The following ESR2 variants were observed in gnomAD, a reference collection of about 807,000 sequenced individuals.
ESR2 encodes the protein estrogen receptor beta.
In ESR2, 36 loss-of-function variants were observed where a neutral mutation model predicts 49.6. The ratio of observed to expected loss-of-function variants is 0.73; its 90% CI spans 0.56 to 0.96. ESR2 has a LOEUF of 0.96. Ranked by LOEUF, ESR2 falls within the 40% of genes least tolerant of loss-of-function variation. The probability of loss-of-function intolerance (pLI) is 0.00; values close to 1 mark genes in which losing one functional copy is unlikely to be tolerated. For synonymous variants in ESR2, 320 were observed against 266.1 expected, an observed-to-expected ratio of 1.20 and a Z score of -1.97; for missense variants, 714 against 693.0, an observed-to-expected ratio of 1.03 and a Z score of -0.34.
At chr14:64,320,300 A>T (rs1248822396) in intron 1 of ESR2, among the ~76,000 whole-genome samples, 2 of 152,128 alleles carry the variant, frequency 1.3e-5, no homozygotes. Flanking sequence ...GCATGGTGGC[A>T]TACACCTGTA....
chr14:64,267,451 A>T (rs1339133324), intron 4 of ESR2, among the ~76,000 whole-genome samples: 1 of 152,204 alleles, frequency 6.6e-6, no homozygotes, highest in East Asian at 1.9e-4. Context: ...GACTCTAGGA[A>T]GCCAGAGAAG....
chr14:64,312,066 T>C (rs1242265190), intron 1 of ESR2, among the ~76,000 whole-genome samples: 2 of 152,140 alleles, frequency 1.3e-5, no homozygotes, highest in African/African-American at 4.8e-5. Flanking sequence ...AAGATAATTA[T>C]ATAAACAGGG....
At chr14:64,247,717 T>C (rs528233179) in intron 7 of ESR2, among the ~76,000 whole-genome samples, 8 of 152,320 alleles carry the variant, frequency 5.3e-5, no homozygotes, top group African/African-American at 1.9e-4. Context: ...CAATATCTGC[T>C]AGAGCGGCTG....
At chr14:64,312,941 C>T (rs2077201967) in intron 1 of ESR2, among the ~76,000 whole-genome samples, 5 of 151,854 alleles carry the variant, frequency 3.3e-5, no homozygotes, top group Admixed American at 3.3e-4. Context: ...ATAAATACCC[C>T]AGTTAAAAGA....
intron 6 of ESR2, among the ~76,000 whole-genome samples, chr14:64,255,734 G>A (rs1015188599): frequency 1.3e-5 from 2 of 152,220 alleles, no homozygotes; most frequent in African/African-American, 2.4e-5. Flanking sequence ...ATAAGGTGCT[G>A]CCAAGCACAT....
At chr14:64,254,995 T>G (rs1460993428) in intron 6 of ESR2, among the ~76,000 whole-genome samples, 1 of 152,042 alleles carries the variant, frequency 6.6e-6, no homozygotes, top group Non-Finnish European at 1.5e-5. Flanking sequence ...AAAAATAACT[T>G]TTCTTCTATT....
At chr14:64,308,268 C>A (rs926349230) in intron 1 of ESR2, among the ~76,000 whole-genome samples, 1 of 152,126 alleles carries the variant, frequency 6.6e-6, no homozygotes, top group Non-Finnish European at 1.5e-5. Context: ...CCTGCCTCGG[C>A]CTCCCAAAGT....
At chr14:64,227,770 T>A, downstream of ESR2, 1 of 1,538,886 alleles carries the variant, frequency 6.5e-7, no homozygotes, top group Non-Finnish European at 8.7e-7. Context: ...CCACTGCAGC[T>A]TCTTTCACTC....
intron 1 of ESR2, among the ~76,000 whole-genome samples, chr14:64,318,769 G>A (rs1444831061): frequency 2.0e-5 from 3 of 151,756 alleles, no homozygotes; most frequent in East Asian, 1.9e-4. Context: ...CTAGCCAGGT[G>A]TTGTGGTTCA....
Position 64,233,315 on chromosome 14 carries a change from C to T in ESR2, c.1415G>A (p.Gly472Asp). 1 of 1,610,986 alleles carries T rather than the reference C, an allele frequency of 6.2e-7. No individual in the cohort carries two copies. Among genetic ancestry groups the T allele is most frequent in the East Asian group, 2.2e-5 (1 of 44,790 alleles). Residue 472 changes from glycine (G) to aspartate (D), a missense_variant, in exon 9 of 9, where the codon GGC becomes GAC. Coordinates refer to ENST00000341099, the MANE Select transcript of ESR2 (RefSeq NM_001437.3). ...LSHVRHASNK[G>D]MEHLLNMKCK... ...CTTCATGTTGAGCAGATGTTCCATG[C>T]CCTTGTTACTATGGGGACAAAAAGG...
chr14:64,289,828 ACTAGGAGGATAAGT>A (rs1011978935), intron 1 of ESR2, among the ~76,000 whole-genome samples: 3 of 152,246 alleles, frequency 2.0e-5, no homozygotes, highest in African/African-American at 7.2e-5. Flanking sequence ...AAGCTTGCAG[ACTAGGAGGATAAGT>A]CTAGGAGGAT....
chr14:64,258,034 T>C (rs1253945162), intron 5 of ESR2, among the ~76,000 whole-genome samples: 3 of 151,966 alleles, frequency 2.0e-5, no homozygotes, highest in South Asian at 4.2e-4. Flanking sequence ...CTGGCCAACA[T>C]GGAGAAACCC....
chr14:64,269,459 C>T (rs1244906542), intron 3 of ESR2, among the ~76,000 whole-genome samples: 1 of 152,228 alleles, frequency 6.6e-6, no homozygotes, highest in Non-Finnish European at 1.5e-5. Context: ...TCTCCCTCAG[C>T]CTTGCGACCC....
chr14:64,246,734 C>CAAAAAAAAAAAAAAAAAAA lies in ESR2; in HGVS notation c.1225+2793_1225+2811dup, dbSNP rs71123836. Among the ~76,000 whole-genome samples, 34 of 36,452 alleles carry CAAAAAAAAAAAAAAAAAAA rather than the reference C, an allele frequency of 9.3e-4. 3 individuals are homozygous for CAAAAAAAAAAAAAAAAAAA. The highest frequency in any genetic ancestry group is 2.9e-3 in the African/African-American group (23 of 7,860). The allele number at this position is 36,452 out of a possible 152,430, so 23.9% of individuals were successfully genotyped here. A position where few individuals can be genotyped will look rare whatever the true frequency, so the allele number is the denominator to read the frequency against. On this transcript the variant is annotated intron_variant, in intron 7 of 8. Transcript: ENST00000341099. ...CCTGGCCAACACAGGAAGACTCTGT[C>CAAAAAAAAAAAAAAAAAAA]AAAAAAAAAAAAAAAAAAAAAAAAA...
At chr14:64,241,225 T>A (rs559030877) in intron 7 of ESR2, among the ~76,000 whole-genome samples, 1 of 152,190 alleles carries the variant, frequency 6.6e-6, no homozygotes, top group South Asian at 2.1e-4. Flanking sequence ...AAGTATATTT[T>A]TGACTAGCAA....
At chr14:64,235,235 G>C in intron 7 of ESR2, 85 bp from the exon 8 acceptor site, 3 of 1,435,068 alleles carry the variant, frequency 2.1e-6, no homozygotes, top group Non-Finnish European at 2.9e-6. Context: ...CGCCTGCTCC[G>C]AGGTGATCTG....
intron 1 of ESR2, among the ~76,000 whole-genome samples, chr14:64,290,848 C>G (rs1364254847): frequency 6.6e-6 from 1 of 152,156 alleles, no homozygotes; most frequent in Non-Finnish European, 1.5e-5. Context: ...ATAAGGAAAC[C>G]CTGTTTCCTT....
At position 64,233,325 on chromosome 14, in the gene ESR2, T is replaced by A. The variant is rs756019413; in HGVS notation, c.1407-2A>T. 5.0e-6 allele frequency: 8 copies of A among 1,606,978 alleles called. No homozygotes were observed. On this transcript the variant is annotated splice_acceptor_variant, in intron 8 of 8. Transcript: ENST00000341099. LOFTEE classifies it high-confidence loss of function. ...AGCAGATGTTCCATGCCCTTGTTAC[T>A]ATGGGGACAAAAAGGTGCTGAGATT...
At chr14:64,260,948 C>T (rs773972479) in intron 4 of ESR2, among the ~76,000 whole-genome samples, 200 bp from the exon 5 acceptor site, 14 of 150,710 alleles carry the variant, frequency 9.3e-5, no homozygotes, top group Middle Eastern at 3.2e-3. Context: ...ATACTAACAC[C>T]GTTTCTCTAT....
Sources: allele counts gnomAD v4.1 joint callset (sites outside exome capture counted in the v4.1 genomes callset), GRCh38; gene constraint gnomAD v4.1.1; transcripts MANE v1.5; gene names NCBI Gene and HGNC (gene_info 2026-07-23, HGNC 2026-07-21).